Variants in CLVS1 observed in about 807,000 individuals in gnomAD.
The protein encoded by CLVS1 is clavesin-1.
In CLVS1, 10 loss-of-function variants were observed where a neutral mutation model predicts 33.1. The ratio of observed to expected loss-of-function variants is 0.30; its 90% CI spans 0.19 to 0.51. The LOEUF (loss-of-function observed/expected upper bound fraction) is 0.51. Ranked by LOEUF, CLVS1 falls within the 20% of genes least tolerant of loss-of-function variation. The probability of loss-of-function intolerance (pLI) is 0.97; values close to 1 mark genes in which losing one functional copy is unlikely to be tolerated. For missense variants in CLVS1, 343 were observed against 433.4 expected (o/e 0.79, Z 1.85); for synonymous variants, 163 against 166.1 (o/e 0.98, Z 0.14).
At chr8:61,127,033 G>A (rs1489742424) in intron 1 of CLVS1, among the ~76,000 whole-genome samples, 1 of 152,122 alleles carries the variant, frequency 6.6e-6, no homozygotes, top group Non-Finnish European at 1.5e-5. Context: ...CTTGGAAGGG[G>A]CACAGTGACT....
At chr8:61,189,312 C>T (rs1585674564) in intron 2 of CLVS1, among the ~76,000 whole-genome samples, 1 of 152,126 alleles carries the variant, frequency 6.6e-6, no homozygotes, top group African/African-American at 2.4e-5. Flanking sequence ...CCTTTACAGA[C>T]AAGCAAATGC....
chr8:61,227,005 T>A (rs1274546578), intron 2 of CLVS1, among the ~76,000 whole-genome samples: 1 of 149,098 alleles, frequency 6.7e-6, no homozygotes. Flanking sequence ...TTTGTTCAGC[T>A]TCAGTGTTAA....
intron 2 of CLVS1, among the ~76,000 whole-genome samples, chr8:61,182,019 C>T (rs1807248687): frequency 6.6e-6 from 1 of 152,094 alleles, no homozygotes; most frequent in East Asian, 1.9e-4. Context: ...TGATCTTTGA[C>T]AAACCTGACA....
intron 2 of CLVS1, among the ~76,000 whole-genome samples, chr8:61,230,502 T>C (rs1284399929): frequency 6.6e-6 from 1 of 152,226 alleles, no homozygotes; most frequent in East Asian, 1.9e-4. Flanking sequence ...AAAATGGCAA[T>C]AAGTATTGTG....
intron 2 of CLVS1, among the ~76,000 whole-genome samples, chr8:61,309,451 C>G (rs1196408772): frequency 6.6e-6 from 1 of 152,174 alleles, no homozygotes; most frequent in East Asian, 1.9e-4. Context: ...CCTCCAAACC[C>G]CTCAGGCATT....
At chr8:61,153,962 AT>A (rs900458105) in intron 2 of CLVS1, among the ~76,000 whole-genome samples, 7 of 152,290 alleles carry the variant, frequency 4.6e-5, no homozygotes, top group African/African-American at 1.4e-4. Context: ...TTCAGAATCC[AT>A]TTTTAGCTAC....
At chr8:61,174,288 T>C (rs61261493) in intron 2 of CLVS1, among the ~76,000 whole-genome samples, 2,883 of 152,094 alleles carry the variant, frequency 0.019, 98 homozygotes, top group African/African-American at 0.066. Flanking sequence ...GAATTAGCAG[T>C]CAAGGACACT....
intron 2 of CLVS1, among the ~76,000 whole-genome samples, chr8:61,160,020 G>C (rs919393837): frequency 2.6e-5 from 4 of 152,240 alleles, no homozygotes; most frequent in Non-Finnish European, 1.5e-5. Flanking sequence ...GACACTTCTT[G>C]AGGATAAACT....
chr8:61,429,117 G>A (rs776195204), intron 3 of CLVS1, among the ~76,000 whole-genome samples: 2 of 152,028 alleles, frequency 1.3e-5, no homozygotes, highest in Non-Finnish European at 2.9e-5. Flanking sequence ...TTCCATGGTG[G>A]AAGGGCAAAA....
Position 61,467,198 on chromosome 8 carries a change from T to G in CLVS1, c.977+8656T>G, listed in dbSNP as rs549479915. ...TTCCCTGGAGCTGAATCCATCTAAA[T>G]GCAGATTGATCCAAAGGTAGAGAGT... On this transcript the variant is annotated intron_variant, in intron 5 of 5. Transcript: ENST00000325897. 5.9e-5 allele frequency among the ~76,000 whole-genome samples: 9 copies of G among 152,318 alleles called. 3 individuals carry two copies. The highest frequency in any genetic ancestry group is 2.2e-4 in the African/African-American group (9 of 41,580).
intron 2 of CLVS1, among the ~76,000 whole-genome samples, chr8:61,224,815 T>C (rs1250158900): frequency 2.0e-5 from 3 of 152,136 alleles, no homozygotes; most frequent in East Asian, 1.9e-4. Flanking sequence ...TAAATATATA[T>C]GCACCCAATA....
chr8:61,204,961 T>C (rs963505163), intron 2 of CLVS1, among the ~76,000 whole-genome samples: 8 of 152,238 alleles, frequency 5.3e-5, no homozygotes, highest in African/African-American at 1.9e-4. Context: ...GTTGAACTTT[T>C]CATAAAGAAT....
chr8:61,007,912 G>A, the CLVS1 span, among the ~76,000 whole-genome samples: 1 of 152,134 alleles, frequency 6.6e-6, no homozygotes, highest in Admixed American at 6.5e-5. Context: ...AGCTGGGGAG[G>A]GCTTTGTGGA....
the CLVS1 span, among the ~76,000 whole-genome samples, chr8:61,017,697 C>T: frequency 2.0e-5 from 3 of 152,336 alleles, no homozygotes; most frequent in East Asian, 5.8e-4. Flanking sequence ...AAAGGCCATT[C>T]AGGCTCCAGT....
intron 2 of CLVS1, among the ~76,000 whole-genome samples, chr8:61,282,208 A>C (rs1350708141): frequency 6.6e-6 from 1 of 152,242 alleles, no homozygotes; most frequent in African/African-American, 2.4e-5. Context: ...TGCAACATAC[A>C]AAAAGAATCT....
intron 2 of CLVS1, among the ~76,000 whole-genome samples, chr8:61,252,968 G>A (rs961617931): frequency 1.3e-5 from 2 of 152,164 alleles, no homozygotes; most frequent in African/African-American, 4.8e-5. Context: ...TCATTTTGAT[G>A]TTAGCTGGTT....
chr8:61,050,031 C>T, the CLVS1 span, among the ~76,000 whole-genome samples: 1 of 152,234 alleles, frequency 6.6e-6, no homozygotes, highest in East Asian at 1.9e-4. Context: ...TAACACAATA[C>T]TGCTGAATGC....
chr8:61,192,335 G>A (rs1807503080), intron 2 of CLVS1, among the ~76,000 whole-genome samples: 1 of 152,170 alleles, frequency 6.6e-6, no homozygotes, highest in Admixed American at 6.5e-5. Flanking sequence ...GTAGAAAGCT[G>A]AAACTGGATC....
intron 1 of CLVS1, among the ~76,000 whole-genome samples, chr8:61,105,468 T>C (rs1390083872): frequency 6.6e-6 from 1 of 152,166 alleles, no homozygotes; most frequent in Non-Finnish European, 1.5e-5. Context: ...TCTGCCTACT[T>C]AAAACCCCGG....
Sources: gnomAD v4.1 joint callset for allele counts (sites outside exome capture counted in the v4.1 genomes callset) on GRCh38, gnomAD v4.1.1 for gene constraint, MANE v1.5 for transcripts, NCBI Gene and HGNC (gene_info 2026-07-23, HGNC 2026-07-21) for gene names.